The following ARL8B variants were observed in gnomAD, a reference collection of about 807,000 sequenced individuals.
ARL8B encodes ARF like GTPase 8B.
ARL8B carries 9 observed loss-of-function variants against 30.6 expected under a neutral mutation model. The observed-to-expected ratio is 0.29, with a 90% CI of 0.18 to 0.51. The LOEUF (loss-of-function observed/expected upper bound fraction) is 0.51. ARL8B is among the 20% of genes least tolerant of loss of function. The probability of loss-of-function intolerance (pLI) is 0.97; values close to 1 mark genes in which losing one functional copy is unlikely to be tolerated. For missense variants in ARL8B, 130 were observed against 227.2 expected, an observed-to-expected ratio of 0.57 and a Z score of 2.75; for synonymous variants, 74 against 76.0, an observed-to-expected ratio of 0.97 and a Z score of 0.14.
chr3:5,133,838 A>G (rs973081255), intron 1 of ARL8B, among the ~76,000 whole-genome samples: 2 of 152,174 alleles, frequency 1.3e-5, no homozygotes, highest in Non-Finnish European at 2.9e-5. Flanking sequence ...CCGGGGAGGC[A>G]TAGGTGGTAA....
At chr3:5,138,065 A>T (rs1264673613) in intron 1 of ARL8B, among the ~76,000 whole-genome samples, 3 of 147,688 alleles carry the variant, frequency 2.0e-5, no homozygotes, top group African/African-American at 5.0e-5. Context: ...CCCATCCTAG[A>T]TGTGCTAGGA....
chr3:5,131,668 G>T (rs2054285073), intron 1 of ARL8B, among the ~76,000 whole-genome samples: 1 of 152,160 alleles, frequency 6.6e-6, no homozygotes, highest in East Asian at 1.9e-4. Flanking sequence ...TGGGATTACA[G>T]GTGTGAGCCA....
chr3:5,137,005 A>G (rs544649115), intron 1 of ARL8B, among the ~76,000 whole-genome samples: 1 of 152,304 alleles, frequency 6.6e-6, no homozygotes, highest in African/African-American at 2.4e-5. Flanking sequence ...TGGCCTTTAA[A>G]TGAAGCAGTG....
At chr3:5,164,258 C>T (rs1334722115) in intron 1 of ARL8B, among the ~76,000 whole-genome samples, 1 of 152,124 alleles carries the variant, frequency 6.6e-6, no homozygotes, top group African/African-American at 2.4e-5. Context: ...AACTAATTGT[C>T]AGAATTCTTT....
intron 1 of ARL8B, among the ~76,000 whole-genome samples, chr3:5,153,580 C>T (rs932721450): frequency 2.0e-5 from 3 of 152,132 alleles, no homozygotes; most frequent in African/African-American, 7.2e-5. Flanking sequence ...CTAATACGTA[C>T]ACCTACCTAA....
At chr3:5,134,411 A>G (rs2054308178) in intron 1 of ARL8B, among the ~76,000 whole-genome samples, 1 of 152,236 alleles carries the variant, frequency 6.6e-6, no homozygotes, top group Non-Finnish European at 1.5e-5. Flanking sequence ...ATTCGTTTGC[A>G]GGCTGGGAAG....
intron 1 of ARL8B, among the ~76,000 whole-genome samples, chr3:5,132,150 G>C (rs2054288550): frequency 6.6e-6 from 1 of 152,166 alleles, no homozygotes. Flanking sequence ...TGGCCTCCCA[G>C]TGTTGGGAGT....
At chr3:5,162,091 T>A (rs11130291) in intron 1 of ARL8B, among the ~76,000 whole-genome samples, 1 of 152,058 alleles carries the variant, frequency 6.6e-6, no homozygotes, top group Non-Finnish European at 1.5e-5. Context: ...GCACACAAAA[T>A]GCATCTGTGT....
At chr3:5,170,432 G>GTAACCAT in intron 1 of ARL8B, 71 bp from the exon 2 acceptor site, 1 of 989,308 alleles carries the variant, frequency 1.0e-6, no homozygotes, top group Non-Finnish European at 1.5e-6. Flanking sequence ...CAAATGCAAT[G>GTAACCAT]TTGATATTAG....
chr3:5,141,816 C>T (rs116645475), intron 1 of ARL8B, among the ~76,000 whole-genome samples: 2,255 of 152,302 alleles, frequency 0.015, 32 homozygotes, highest in South Asian at 0.025. Flanking sequence ...TGGCATCTAA[C>T]TGGCTAGCCA....
intron 2 of ARL8B, chr3:5,171,046 A>C (rs1186312892): frequency 6.6e-6 from 1 of 152,250 alleles, no homozygotes. Context: ...ATAGATTTTT[A>C]ATCTATTTTG....
chr3:5,129,203 T>G (rs2054259667), intron 1 of ARL8B, among the ~76,000 whole-genome samples: 2 of 152,128 alleles, frequency 1.3e-5, no homozygotes, highest in Non-Finnish European at 2.9e-5. Flanking sequence ...AGATAGAGTC[T>G]CGCTCTTGTT....
At chr3:5,173,879 C>G (rs2054701094) in intron 4 of ARL8B, 138 bp from the exon 5 acceptor site, 1 of 724,468 alleles carries the variant, frequency 1.4e-6, no homozygotes, top group East Asian at 2.5e-5. Context: ...ATGAGACAAG[C>G]CACCAGTTAC....
At chr3:5,164,140 T>A (rs1292860520) in intron 1 of ARL8B, among the ~76,000 whole-genome samples, 2 of 152,208 alleles carry the variant, frequency 1.3e-5, no homozygotes, top group Non-Finnish European at 2.9e-5. Flanking sequence ...ACTGTATTTT[T>A]GATCTGCATT....
chr3:5,141,059 T>TC (rs1257232822), intron 1 of ARL8B, among the ~76,000 whole-genome samples: 1 of 152,166 alleles, frequency 6.6e-6, no homozygotes, highest in Non-Finnish European at 1.5e-5. Flanking sequence ...AGTTTTATTA[T>TC]CCCCCTTATA....
intron 1 of ARL8B, among the ~76,000 whole-genome samples, chr3:5,145,052 TTATTTCCA>T (rs1438739462): frequency 6.6e-6 from 1 of 151,536 alleles, no homozygotes; most frequent in Non-Finnish European, 1.5e-5. Flanking sequence ...TAAGGAGTGT[TTATTTCCA>T]TCAGTGATAG....
chr3:5,167,426 T>C lies in ARL8B; in HGVS notation c.124-3077T>C, dbSNP rs188393035. Among the ~76,000 whole-genome samples, 71 of 152,352 alleles carry C rather than the reference T, an allele frequency of 4.7e-4. No homozygotes were observed. In the East Asian group the frequency reaches 0.013, roughly 27 times the overall value. On this transcript the variant is annotated intron_variant, in intron 1 of 6. Transcript: ENST00000256496. ...TAAATTAAGCTTTATCATAGGTATG[T>C]ATGTATTGGGAAAAACATAGTGTAC...
At chr3:5,137,304 A>C (rs1384427769) in intron 1 of ARL8B, among the ~76,000 whole-genome samples, 1 of 151,958 alleles carries the variant, frequency 6.6e-6, no homozygotes, top group African/African-American at 2.4e-5. Context: ...GCTCTACTAG[A>C]TGCTAGATGA....
chr3:5,167,830 C>T (rs1253983258), intron 1 of ARL8B, among the ~76,000 whole-genome samples: 4 of 152,098 alleles, frequency 2.6e-5, no homozygotes, highest in African/African-American at 9.7e-5. Flanking sequence ...CTTAATTAAG[C>T]AGCTTCTTGA....
Sources: gnomAD v4.1 joint callset for allele counts (sites outside exome capture counted in the v4.1 genomes callset) on GRCh38, gnomAD v4.1.1 for gene constraint, MANE v1.5 for transcripts, NCBI Gene and HGNC (gene_info 2026-07-23, HGNC 2026-07-21) for gene names.